The following PPP3CC variants were observed in gnomAD, a reference collection of about 807,000 sequenced individuals.
The protein encoded by PPP3CC is serine/threonine-protein phosphatase 2B catalytic subunit gamma isoform.
Under a neutral mutation model 60.3 loss-of-function variants are expected in PPP3CC, and 35 were observed. That is an observed-to-expected ratio of 0.58 (90% CI 0.44 to 0.77). PPP3CC has a LOEUF of 0.77. PPP3CC is among the 30% of genes least tolerant of loss of function. PPP3CC has a pLI of 0.00. For synonymous variants in PPP3CC, 206 were observed against 224.3 expected, an observed-to-expected ratio of 0.92 and a Z score of 0.73; for missense variants, 570 against 628.9, an observed-to-expected ratio of 0.91 and a Z score of 1.00.
intron 4 of PPP3CC, among the ~76,000 whole-genome samples, chr8:22,509,744 C>G (rs560783457): frequency 6.6e-6 from 1 of 152,258 alleles, no homozygotes; most frequent in Admixed American, 6.5e-5. Flanking sequence ...CTCTGTTGCT[C>G]AGGCTGGAGT....
intron 1 of PPP3CC, among the ~76,000 whole-genome samples, chr8:22,459,266 C>G (rs895990805): frequency 1.3e-5 from 2 of 152,136 alleles, no homozygotes; most frequent in Non-Finnish European, 2.9e-5. Context: ...TTTTTTAAAT[C>G]TCTATTCTCT....
In PPP3CC at chr8:22,527,519, T is replaced by TA; in HGVS notation, c.1069+4dup. On this transcript the variant is annotated splice_region_variant and intron_variant, in intron 9 of 13. Transcript: ENST00000240139. ...CTTTGCCTTTTGTTGGGGAAAAAGGTAAGAGAACTAAAGCACATGTCTCAT... is the reference window on the plus strand; with the variant it reads ...CTTTGCCTTTTGTTGGGGAAAAAGGTAAAGAGAACTAAAGCACATGTCTCAT... 5.6e-6 allele frequency: 9 copies of TA among 1,613,640 alleles called. No individual in the cohort carries two copies. The highest frequency in any genetic ancestry group is 7.6e-6 in the Non-Finnish European group (9 of 1,179,890).
intron 6 of PPP3CC, among the ~76,000 whole-genome samples, chr8:22,519,491 C>T (rs755867019): frequency 1.3e-5 from 2 of 151,936 alleles, no homozygotes; most frequent in Admixed American, 1.3e-4. Context: ...TATTTTGGTT[C>T]TTTTTATCTT....
At chr8:22,523,851 G>A (rs1839472286) in intron 8 of PPP3CC, 1 of 190,854 alleles carries the variant, frequency 5.2e-6, no homozygotes, top group Non-Finnish European at 1.1e-5. Context: ...CTGATACAGT[G>A]GCTCTGGAGG....
At chr8:22,454,314 C>T (rs985457342) in intron 1 of PPP3CC, among the ~76,000 whole-genome samples, 2 of 152,218 alleles carry the variant, frequency 1.3e-5, no homozygotes, top group African/African-American at 4.8e-5. Flanking sequence ...CTTCTACCTC[C>T]ACCTCCTGTC....
intron 4 of PPP3CC, among the ~76,000 whole-genome samples, chr8:22,509,358 G>A (rs1336765701): frequency 6.6e-6 from 1 of 152,110 alleles, no homozygotes; most frequent in African/African-American, 2.4e-5. Context: ...TGACTCACTC[G>A]ATACAGCTTT....
chr8:22,511,189 A>G lies in PPP3CC; in HGVS notation c.588A>G (p.Gly196=). The stretch of plus-strand genomic sequence containing the variant: ...ACCAGCAGTTTCTCTGTGTACATGG[A>G]GGAATGTCACCTGAAATTACTTCTT... The part of the protein sequence containing the change: ...LLNQQFLCVH[G]GMSPEITSLD... Residue 196 remains glycine (G), a synonymous_variant, in exon 5 of 14, where the codon GGA becomes GGG. Coordinates refer to ENST00000240139, the MANE Select transcript of PPP3CC (RefSeq NM_005605.5). 1 of 1,613,638 alleles carries G rather than the reference A, an allele frequency of 6.2e-7. No individual in the cohort carries two copies. The highest frequency in any genetic ancestry group is 8.5e-7 in the Non-Finnish European group (1 of 1,179,542).
Position 22,441,288 on chromosome 8 carries a change from C to T in PPP3CC, c.-122C>T, listed in dbSNP as rs28513286. Reference sequence around the variant, plus strand: ...TGGTGCTCGGACACCGCTGAGGAGCCGGGGCCGGGCACGGCTGGCTGACGG... The same window carrying T: ...TGGTGCTCGGACACCGCTGAGGAGCTGGGGCCGGGCACGGCTGGCTGACGG... On this transcript the variant is annotated 5_prime_UTR_variant, in exon 1 of 14. Coordinates refer to ENST00000240139, the MANE Select transcript of PPP3CC (RefSeq NM_005605.5). The T allele has an allele frequency of 3.1e-6, 3 of 958,884 alleles. No individual in the cohort carries two copies. Among genetic ancestry groups the T allele is most frequent in the African/African-American group, 3.5e-5 (2 of 56,656 alleles). 59.4% of individuals were successfully genotyped at this position (958,884 alleles called of 1,614,324 possible).
intron 3 of PPP3CC, among the ~76,000 whole-genome samples, chr8:22,489,407 G>C (rs572238748): frequency 6.6e-6 from 1 of 151,168 alleles, no homozygotes; most frequent in African/African-American, 2.4e-5. Flanking sequence ...GTATACACAT[G>C]CTTCTACTGT....
At chr8:22,484,893 C>T (rs767828866) in intron 3 of PPP3CC, among the ~76,000 whole-genome samples, 5 of 152,074 alleles carry the variant, frequency 3.3e-5, no homozygotes, top group East Asian at 3.8e-4. Flanking sequence ...GGAGGCAGAG[C>T]GGGAGGGGAA....
chr8:22,496,262 T>G (rs566730161), intron 3 of PPP3CC, among the ~76,000 whole-genome samples: 11 of 152,098 alleles, frequency 7.2e-5, no homozygotes, highest in Non-Finnish European at 1.5e-4. Context: ...TAAGGACCAG[T>G]ACCACTGTTT....
chr8:22,449,428 G>A (rs1193881253), intron 1 of PPP3CC, among the ~76,000 whole-genome samples: 1 of 137,414 alleles, frequency 7.3e-6, no homozygotes, highest in Non-Finnish European at 1.5e-5. Flanking sequence ...CTCCAGCCTG[G>A]GTGACTGAGA....
intron 1 of PPP3CC, among the ~76,000 whole-genome samples, chr8:22,449,652 A>G (rs1836944926): frequency 1.3e-5 from 2 of 151,984 alleles, no homozygotes; most frequent in East Asian, 1.9e-4. Flanking sequence ...CAGCTGCATG[A>G]TGGGGGTTAG....
At position 22,532,315 on chromosome 8, in the gene PPP3CC, G is replaced by A. The variant is rs1248166934; in HGVS notation, c.1223+9G>A. The A allele has an allele frequency of 1.3e-6, 2 of 1,598,424 alleles. No homozygotes were observed. Among genetic ancestry groups the A allele is most frequent in the East Asian group, 2.2e-5 (1 of 44,812 alleles). ...GTCTTTTCAATTCTTCGGTAAGGAT[G>A]TCTGTCATTACAGTGCGGATTAAAG... is the stretch of plus-strand genomic sequence containing the variant. On this transcript the variant is annotated intron_variant, in intron 11 of 13. Coordinates refer to ENST00000240139, the MANE Select transcript of PPP3CC (RefSeq NM_005605.5).
At chr8:22,488,455 A>G (rs1838288625) in intron 3 of PPP3CC, among the ~76,000 whole-genome samples, 1 of 152,202 alleles carries the variant, frequency 6.6e-6, no homozygotes, top group African/African-American at 2.4e-5. Context: ...TGTTTGTCAC[A>G]ATGATTGAAA....
chr8:22,453,716 A>G (rs570946602), intron 1 of PPP3CC, among the ~76,000 whole-genome samples: 4 of 152,234 alleles, frequency 2.6e-5, no homozygotes, highest in Admixed American at 6.5e-5. Flanking sequence ...TGTATGGTAT[A>G]TAGCCTATTG....
chr8:22,477,931 A>G (rs981511937), intron 3 of PPP3CC, among the ~76,000 whole-genome samples: 1 of 152,220 alleles, frequency 6.6e-6, no homozygotes, highest in Non-Finnish European at 1.5e-5. Flanking sequence ...GCCCACCGCA[A>G]CGTCCGCCTC....
intron 3 of PPP3CC, among the ~76,000 whole-genome samples, chr8:22,484,577 C>T (rs1370937997): frequency 6.6e-6 from 1 of 152,174 alleles, no homozygotes; most frequent in Non-Finnish European, 1.5e-5. Flanking sequence ...TAGTTTGAGT[C>T]AGTTACCAAT....
intron 8 of PPP3CC, among the ~76,000 whole-genome samples, chr8:22,525,897 T>C (rs1839549065): frequency 2.0e-5 from 3 of 148,124 alleles, no homozygotes; most frequent in African/African-American, 5.0e-5. Flanking sequence ...AGACAGAGTC[T>C]CACTGTGTTG....
Sources: gnomAD v4.1 joint callset for allele counts (sites outside exome capture counted in the v4.1 genomes callset) on GRCh38, gnomAD v4.1.1 for gene constraint, MANE v1.5 for transcripts, NCBI Gene and HGNC (gene_info 2026-07-23, HGNC 2026-07-21) for gene names.